The following MFHAS1 variants were observed in gnomAD, a reference collection of about 807,000 sequenced individuals.
MFHAS1 encodes the protein malignant fibrous histiocytoma-amplified sequence 1.
A neutral mutation model predicts 70.4 loss-of-function variants in MFHAS1; 50 were observed. That is an observed-to-expected ratio of 0.71 (90% confidence interval 0.57 to 0.90). The LOEUF (loss-of-function observed/expected upper bound fraction) is 0.90. Among genes scored for constraint, MFHAS1 ranks in the 40% least tolerant of loss-of-function variants. MFHAS1 has a pLI of 0.00. For synonymous variants in MFHAS1, 952 were observed against 620.0 expected (o/e 1.54, Z -7.96); for missense variants, 1,795 against 1,347.6 (o/e 1.33, Z -5.20).
At chr8:8,795,748 G>A (rs915450757) in intron 2 of MFHAS1, among the ~76,000 whole-genome samples, 2 of 152,230 alleles carry the variant, frequency 1.3e-5, no homozygotes, top group Non-Finnish European at 2.9e-5. Context: ...TGTGAGGGGT[G>A]AGATGGATGC....
chr8:8,816,405 C>T (rs1021146082), intron 1 of MFHAS1, among the ~76,000 whole-genome samples: 10 of 152,132 alleles, frequency 6.6e-5, no homozygotes, highest in Non-Finnish European at 1.2e-4. Context: ...CATGACCATC[C>T]TCCCCAAGAA....
At chr8:8,810,569 A>G (rs536352525) in intron 1 of MFHAS1, among the ~76,000 whole-genome samples, 2 of 152,332 alleles carry the variant, frequency 1.3e-5, no homozygotes, top group Admixed American at 6.5e-5. Context: ...TCCACTGAAC[A>G]GTAAATACAT....
chr8:8,806,960 CA>C (rs377467491), intron 1 of MFHAS1, among the ~76,000 whole-genome samples: 56 of 139,186 alleles, frequency 4.0e-4, no homozygotes, highest in Middle Eastern at 3.6e-3. Context: ...GACTCTGTCT[CA>C]AAAAAAAAAA....
intron 1 of MFHAS1, among the ~76,000 whole-genome samples, chr8:8,846,831 C>A (rs1253939035): frequency 3.3e-5 from 5 of 152,102 alleles, no homozygotes; most frequent in Admixed American, 1.3e-4. Flanking sequence ...CGACCCACCC[C>A]GCCCATCATT....
At chr8:8,879,959 C>T (rs1563217880) in intron 1 of MFHAS1, among the ~76,000 whole-genome samples, 1 of 152,200 alleles carries the variant, frequency 6.6e-6, no homozygotes, top group Non-Finnish European at 1.5e-5. Context: ...TAAAATTTAT[C>T]TTTAAAAAAA....
intron 1 of MFHAS1, among the ~76,000 whole-genome samples, chr8:8,854,597 A>G (rs112932707): frequency 0.033 from 4,972 of 151,814 alleles, 234 homozygotes; most frequent in African/African-American, 0.11. Context: ...AGGTATGAGA[A>G]TTGCTTGAAC....
chr8:8,874,891 T>G (rs1198137835), intron 1 of MFHAS1, among the ~76,000 whole-genome samples: 1 of 146,314 alleles, frequency 6.8e-6, no homozygotes, highest in Non-Finnish European at 1.5e-5. Flanking sequence ...TATAAACTGA[T>G]AAAACACTGT....
chr8:8,841,759 C>G (rs1412155121), intron 1 of MFHAS1, among the ~76,000 whole-genome samples: 1 of 152,168 alleles, frequency 6.6e-6, no homozygotes, highest in East Asian at 1.9e-4. Flanking sequence ...CCACATGGGC[C>G]ACACCCCACG....
chr8:8,848,209 T>C (rs1297239974), intron 1 of MFHAS1, among the ~76,000 whole-genome samples: 3 of 152,198 alleles, frequency 2.0e-5, no homozygotes, highest in Non-Finnish European at 4.4e-5. Context: ...GGGTTTGCAG[T>C]TGCCATCTGC....
chr8:8,888,242 C>A (rs1351735802), intron 1 of MFHAS1, among the ~76,000 whole-genome samples: 3 of 152,150 alleles, frequency 2.0e-5, no homozygotes, highest in African/African-American at 7.2e-5. Context: ...GAATTAAATT[C>A]AACCTAGATC....
chr8:8,807,673 C>T (rs1806377577), intron 1 of MFHAS1, among the ~76,000 whole-genome samples: 1 of 152,194 alleles, frequency 6.6e-6, no homozygotes, highest in African/African-American at 2.4e-5. Context: ...TTAAAAACCT[C>T]ACCATCCACA....
rs114055431 is a variant in MFHAS1 at position 8,820,863 on chromosome 8, C to G, written c.2999-23372G>C. On this transcript the variant is annotated intron_variant, in intron 1 of 2. Coordinates refer to ENST00000276282, the MANE Select transcript of MFHAS1 (RefSeq NM_004225.3). ...CATTTGCATCGTGGAATTAAATGATCTAAGTGGAGAGCCACTGGATGCTTT... is the reference window on the plus strand; with the variant it reads ...CATTTGCATCGTGGAATTAAATGATGTAAGTGGAGAGCCACTGGATGCTTT... 3.2e-3 allele frequency among the ~76,000 whole-genome samples: 483 copies of G among 152,330 alleles called. 3 individuals carry two copies. Among genetic ancestry groups the G allele is most frequent in the African/African-American group, 0.011 (463 of 41,580 alleles).
intron 1 of MFHAS1, among the ~76,000 whole-genome samples, chr8:8,839,960 T>A (rs1370408772): frequency 6.6e-6 from 1 of 152,168 alleles, no homozygotes; most frequent in Non-Finnish European, 1.5e-5. Context: ...AAAAAAAAGA[T>A]ACAAACCCAC....
intron 1 of MFHAS1, among the ~76,000 whole-genome samples, chr8:8,797,878 A>T (rs1805963999): frequency 1.3e-5 from 2 of 152,176 alleles, no homozygotes; most frequent in South Asian, 4.1e-4. Context: ...GTTCATAATT[A>T]GGATTTGGGG....
At chr8:8,867,437 AT>A (rs983466135) in intron 1 of MFHAS1, among the ~76,000 whole-genome samples, 9 of 152,040 alleles carry the variant, frequency 5.9e-5, no homozygotes, top group Admixed American at 1.3e-4. Context: ...CGCACAGAAA[AT>A]TTTTTTTATA....
intron 1 of MFHAS1, among the ~76,000 whole-genome samples, chr8:8,889,120 AG>A (rs1191954000): frequency 2.6e-5 from 4 of 152,112 alleles, no homozygotes; most frequent in African/African-American, 9.7e-5. Flanking sequence ...ACGAAAAAAA[AG>A]TCTACTGGAA....
chr8:8,890,810 T>C lies in MFHAS1; in HGVS notation c.2249A>G (p.His750Arg), dbSNP rs781129814. The C allele has an allele frequency of 3.1e-6, 5 of 1,614,204 alleles. No homozygotes were observed. The highest frequency in any genetic ancestry group is 2.2e-5 in the East Asian group (1 of 44,892). The change falls in exon 1 of 3, where the codon CAT (histidine) becomes CGT (arginine). Residue 750 changes from histidine to arginine, a missense_variant. Physicochemically the swap from His to Arg is conservative, Grantham distance 29. Transcript: ENST00000276282. ...FFQRDPSLLL[H>R]KLLLGTSGEG... ...TCCACTGGTCCCTAGGAGCAGCTTA[T>C]GCAGCAGCAAAGAGGGATCCCTCTG...
At chr8:8,813,191 G>C (rs1355039426) in intron 1 of MFHAS1, among the ~76,000 whole-genome samples, 1 of 152,160 alleles carries the variant, frequency 6.6e-6, no homozygotes, top group East Asian at 1.9e-4. Flanking sequence ...TTATTCTTAT[G>C]TTTGCAGTGA....
At chr8:8,883,707 C>CAAAAAAAAAAAAAAAAAAA (rs35799658) in intron 1 of MFHAS1, among the ~76,000 whole-genome samples, 2 of 29,588 alleles carry the variant, frequency 6.8e-5, no homozygotes, top group African/African-American at 2.8e-4. Context: ...GACTCAGTCT[C>CAAAAAAAAAAAAAAAAAAA]AAAAAAAAAA....
Sources: allele counts gnomAD v4.1 joint callset (sites outside exome capture counted in the v4.1 genomes callset), GRCh38; gene constraint gnomAD v4.1.1; transcripts MANE v1.5; gene names NCBI Gene and HGNC (gene_info 2026-07-23, HGNC 2026-07-21).